Variants in CCDC102B observed in about 807,000 individuals in gnomAD.
The protein encoded by CCDC102B is coiled-coil domain containing 102B.
Under a neutral mutation model 57.4 loss-of-function variants are expected in CCDC102B, and 75 were observed. The ratio of observed to expected loss-of-function variants is 1.31; its 90% CI spans 1.08 to 1.58. CCDC102B has a LOEUF of 1.58. Ranked by LOEUF, CCDC102B falls within the 40% of genes most tolerant of loss-of-function variation. The probability of loss-of-function intolerance (pLI) is 0.00; values close to 1 mark genes in which losing one functional copy is unlikely to be tolerated. For missense variants in CCDC102B, 636 were observed against 582.6 expected (o/e 1.09, Z -0.94); for synonymous variants, 206 against 201.9 (o/e 1.02, Z -0.17).
chr18:69,006,292 C>T (rs78980805), intron 6 of CCDC102B, among the ~76,000 whole-genome samples: 1,597 of 152,204 alleles, frequency 0.01, 28 homozygotes, highest in East Asian at 0.064. Context: ...TACTATAACA[C>T]GTACGGAAAG....
intron 6 of CCDC102B, among the ~76,000 whole-genome samples, chr18:68,898,967 G>C (rs2040339073): frequency 6.6e-6 from 1 of 152,052 alleles, no homozygotes; most frequent in South Asian, 2.1e-4. Context: ...ACCGAGTCCA[G>C]ACCTGGTCTC....
chr18:68,900,113 G>A (rs1472740727), intron 6 of CCDC102B: 3 of 152,054 alleles, frequency 2.0e-5, no homozygotes, highest in Non-Finnish European at 1.5e-5. Flanking sequence ...AAGATTTTTC[G>A]ATTTGCTGTT....
At chr18:68,915,742 T>G (rs1194748438) in intron 6 of CCDC102B, among the ~76,000 whole-genome samples, 1 of 152,352 alleles carries the variant, frequency 6.6e-6, no homozygotes, top group East Asian at 1.9e-4. Flanking sequence ...TTATTTCCGA[T>G]AAGATGTGTC....
At chr18:68,719,039 A>T (rs147355929) in intron 2 of CCDC102B, among the ~76,000 whole-genome samples, 2 of 152,224 alleles carry the variant, frequency 1.3e-5, no homozygotes, top group African/African-American at 4.8e-5. Flanking sequence ...AGAGATACAG[A>T]ACAACTTTAT....
intron 2 of CCDC102B, among the ~76,000 whole-genome samples, chr18:68,725,093 C>A (rs989400236): frequency 6.6e-6 from 1 of 152,176 alleles, no homozygotes; most frequent in East Asian, 1.9e-4. Context: ...CCTTATACAA[C>A]CATCAGATCT....
In CCDC102B at chr18:68,784,801, T is replaced by C. The variant is rs146397216; in HGVS notation, c.-66-38565T>C. Among the ~76,000 whole-genome samples the C allele has an allele frequency of 1.3e-3, 196 of 152,232 alleles. 1 individual carries two copies. The East Asian group carries it at 0.027, about 21-fold the overall frequency. ...TTGGTTCAGATTGTCTTTAAAGCCA[T>C]AGATTATGCTATCAGCATTACTGTT... On this transcript the variant is annotated intron_variant, in intron 2 of 3. Coordinates refer to the CCDC102B transcript ENST00000578970.
downstream of CCDC102B, among the ~76,000 whole-genome samples, chr18:69,055,755 C>T (rs72962033): frequency 0.033 from 5,052 of 152,156 alleles, 139 homozygotes; most frequent in East Asian, 0.15. Context: ...CATCCCTCAA[C>T]ATTAGACTTC....
chr18:69,041,176 C>A (rs1176332975), intron 7 of CCDC102B, among the ~76,000 whole-genome samples: 3 of 152,088 alleles, frequency 2.0e-5, no homozygotes, highest in Non-Finnish European at 2.9e-5. Flanking sequence ...TCTCTTATTA[C>A]AGAATCAAAG....
In CCDC102B at chr18:68,838,870, T is replaced by G; in HGVS notation, c.771T>G (p.Ile257Met). 6.2e-7 allele frequency: 1 copy of G among 1,613,938 alleles called. No homozygotes were observed. The highest frequency in any genetic ancestry group is 1.1e-5 in the South Asian group (1 of 91,068). Residue 257 changes from isoleucine to methionine, a missense_variant, in exon 3 of 8, where the codon ATT becomes ATG. Transcript: ENST00000360242. ...CTTTGGAAAATGAAGTAACTGAAAT[T>G]TCAGCTTTGCAGGTGCATTTGGATG... is the stretch of plus-strand genomic sequence containing the variant. ...NLPLENEVTEISALQVHLDEF... is the reference protein window; with the variant it reads ...NLPLENEVTEMSALQVHLDEF...
intron 7 of CCDC102B, among the ~76,000 whole-genome samples, chr18:69,037,997 T>G (rs544338559): frequency 6.6e-6 from 1 of 152,166 alleles, no homozygotes; most frequent in African/African-American, 2.4e-5. Context: ...TTTTTTATTG[T>G]AAATTTTATA....
At chr18:68,738,755 T>C (rs2145217682) in intron 2 of CCDC102B, among the ~76,000 whole-genome samples, 1 of 152,250 alleles carries the variant, frequency 6.6e-6, no homozygotes, top group Middle Eastern at 3.4e-3. Flanking sequence ...GGCAGTAACC[T>C]GATTTAGAAG....
intron 2 of CCDC102B, among the ~76,000 whole-genome samples, chr18:68,785,337 A>G (rs1396309354): frequency 6.6e-6 from 1 of 152,148 alleles, no homozygotes; most frequent in Non-Finnish European, 1.5e-5. Context: ...CTTTGGGTAT[A>G]TACCCAGTAA....
chr18:68,925,764 A>G (rs2041454712), intron 6 of CCDC102B, among the ~76,000 whole-genome samples: 2 of 151,976 alleles, frequency 1.3e-5, no homozygotes, highest in Non-Finnish European at 2.9e-5. Context: ...CTGTTTTATA[A>G]GGGTACATGC....
chr18:68,879,132 G>T (rs1383863376), intron 5 of CCDC102B, among the ~76,000 whole-genome samples: 1 of 151,218 alleles, frequency 6.6e-6, no homozygotes, highest in South Asian at 2.1e-4. Context: ...TCGTGGTCTC[G>T]CTGGTTTCAG....
chr18:68,776,099 G>A (rs1247269402), intron 2 of CCDC102B, among the ~76,000 whole-genome samples: 1 of 152,078 alleles, frequency 6.6e-6, no homozygotes, highest in Non-Finnish European at 1.5e-5. Flanking sequence ...ACATTGTCCT[G>A]TACATTTCTT....
At chr18:68,719,211 A>G (rs570337650) in intron 2 of CCDC102B, among the ~76,000 whole-genome samples, 65 of 152,358 alleles carry the variant, frequency 4.3e-4, no homozygotes, top group Non-Finnish European at 7.1e-4. Flanking sequence ...AATATGTGCT[A>G]CCAATCTTTA....
chr18:68,824,235 G>A (rs990462817), intron 1 of CCDC102B, among the ~76,000 whole-genome samples: 2 of 152,154 alleles, frequency 1.3e-5, no homozygotes, highest in African/African-American at 4.8e-5. Flanking sequence ...TTTATGTATA[G>A]TAAAAAGCAA....
intron 5 of CCDC102B, among the ~76,000 whole-genome samples, chr18:68,890,656 A>T (rs1189709168): frequency 6.6e-6 from 1 of 152,154 alleles, no homozygotes; most frequent in Non-Finnish European, 1.5e-5. Context: ...CTTGCTTTAG[A>T]GATAGTATAT....
intron 6 of CCDC102B, among the ~76,000 whole-genome samples, chr18:68,940,578 TTTCA>T (rs762969753): frequency 2.3e-4 from 35 of 151,886 alleles, no homozygotes; most frequent in Non-Finnish European, 4.0e-4. Context: ...GTTAATAAAC[TTTCA>T]TTAACAGTGA....
Sources: allele counts gnomAD v4.1 joint callset (sites outside exome capture counted in the v4.1 genomes callset), GRCh38; gene constraint gnomAD v4.1.1; transcripts MANE v1.5; gene names NCBI Gene and HGNC (gene_info 2026-07-23, HGNC 2026-07-21).